MATN1: variants seen among roughly 807,000 people sequenced by gnomAD.
MATN1 encodes matrilin 1.
MATN1 carries 34 observed loss-of-function variants against 41.3 expected under a neutral mutation model. That is an observed-to-expected ratio of 0.82 (90% CI 0.63 to 1.10). MATN1 has a LOEUF of 1.10. MATN1 is among the 50% of genes least tolerant of loss of function. The pLI, the probability that MATN1 is intolerant of heterozygous loss-of-function variation, is 0.00. For synonymous variants in MATN1, 264 were observed against 278.7 expected, an observed-to-expected ratio of 0.95 and a Z score of 0.53; for missense variants, 602 against 662.4, an observed-to-expected ratio of 0.91 and a Z score of 1.00.
Position 30,715,989 on chromosome 1 carries a change from G to A in MATN1, c.1127C>T (p.Ala376Val). ...FTVSSGARPG[A>V]QKVGIVFTDG... The stretch of plus-strand genomic sequence containing the variant: ...AGTGAAGACAATGCCCACCTTCTGG[G>A]CCCCGGGCCTAGCCCCACTGGACAC... The change falls in exon 5 of 8, where the codon GCC becomes GTC. Residue 376 changes from alanine (A) to valine (V), a missense_variant. Coordinates refer to ENST00000373765, the MANE Select transcript of MATN1 (RefSeq NM_002379.3). 1.2e-6 allele frequency: 2 copies of A among 1,614,200 alleles called. No homozygotes were observed. Among genetic ancestry groups the A allele is most frequent in the Non-Finnish European group, 8.5e-7 (1 of 1,180,032 alleles).
chr1:30,721,520 C>T lies in MATN1; in HGVS notation c.326G>A (p.Arg109His), dbSNP rs200904252. 1.1e-5 allele frequency: 18 copies of T among 1,613,116 alleles called. No homozygotes were observed. Among genetic ancestry groups the T allele is most frequent in the African/African-American group, 1.1e-4 (8 of 74,928 alleles). ...VSKAALLQAV[R>H]RIQPLSTGTM... ...GCCTGTGGACAGCGGCTGGATACGG[C>T]GCACAGCCTGCAGCAGTGCGGCCTT... is the stretch of plus-strand genomic sequence containing the variant. Residue 109 changes from arginine to histidine, a missense_variant, in exon 2 of 8, where the codon CGC (arginine) becomes CAC (histidine). Arg to His is a conservative substitution (Grantham distance 29). Transcript: ENST00000373765.
chr1:30,718,739 G>C lies in MATN1; in HGVS notation c.660C>G (p.Phe220Leu), dbSNP rs766544690. Residue 220 changes from phenylalanine (F) to leucine (L), a missense_variant, in exon 3 of 8, where the codon TTC becomes TTG. Coordinates refer to ENST00000373765, the MANE Select transcript of MATN1 (RefSeq NM_002379.3). Reference sequence around the variant, plus strand: ...CGCCCCCGCCTGCCCGCGCACCGCAGAAGGCCTCCTGGAACTTCCTGGACA... The same window carrying C: ...CGCCCCCGCCTGCCCGCGCACCGCACAAGGCCTCCTGGAACTTCCTGGACA... ...EKLSRKFQEA[F>L]CVVSDLCATG... is the part of the protein sequence containing the mutation. 1 of 1,581,762 alleles carries C rather than the reference G, an allele frequency of 6.3e-7. No individual in the cohort carries two copies. Among genetic ancestry groups the C allele is most frequent in the East Asian group, 2.3e-5 (1 of 42,998 alleles).
At chr1:30,714,857 G>T (rs1181110024) in intron 6 of MATN1, among the ~76,000 whole-genome samples, 1 of 152,190 alleles carries the variant, frequency 6.6e-6, no homozygotes, top group Non-Finnish European at 1.5e-5. Flanking sequence ...ATTAACAGTT[G>T]TTCCACCCCT....
In MATN1 at chr1:30,721,746, G is replaced by T; in HGVS notation, c.100C>A (p.Leu34Ile). Residue 34 changes from leucine (L) to isoleucine (I), a missense_variant, in exon 2 of 8, where the codon CTC (leucine) becomes ATC (isoleucine). Leu to Ile is a conservative substitution (Grantham distance 5, BLOSUM62 2). Transcript: ENST00000373765. ...AGGTCTGTGGGCCGCGTCCGGCAGA[G>T]ATGGCCTGGGAGTGGGGCAGGAGGG... ...PGLAPQSRGHLCRTRPTDLVF... is the reference protein window; with the variant it reads ...PGLAPQSRGHICRTRPTDLVF... The T allele has an allele frequency of 6.2e-7, 1 of 1,607,350 alleles. No individual in the cohort carries two copies. Among genetic ancestry groups the T allele is most frequent in the Non-Finnish European group, 8.5e-7 (1 of 1,178,466 alleles).
At position 30,717,642 on chromosome 1, in the gene MATN1, G is replaced by GTTTTTTTT. The variant is rs751915676; in HGVS notation, c.665-735_665-728dup. On this transcript the variant is annotated intron_variant, in intron 3 of 7. Transcript: ENST00000373765. ...GGCTCTGTTGTTTTTTGTGTGTGCG[G>GTTTTTTTT]TTTTTTTTTTTGTTTTGTTTTTTTT... Among the ~76,000 whole-genome samples, 11 of 109,990 alleles carry GTTTTTTTT rather than the reference G, an allele frequency of 1.0e-4. 3 individuals are homozygous for GTTTTTTTT. Among genetic ancestry groups the GTTTTTTTT allele is most frequent in the African/African-American group, 2.6e-4 (6 of 23,010 alleles). 72.2% of individuals were successfully genotyped at this position (109,990 alleles called of 152,430 possible).
chr1:30,714,159 C>T, intron 7 of MATN1, 88 bp downstream of exon 7: 1 of 1,119,636 alleles, frequency 8.9e-7, no homozygotes. Context: ...GAAGCCTGCC[C>T]AACTGACCAC....
chr1:30,716,470 G>A, intron 4 of MATN1, 145 bp from the exon 5 acceptor site: 1 of 844,316 alleles, frequency 1.2e-6, no homozygotes, highest in South Asian at 1.7e-5. Flanking sequence ...AAGCCAAGGT[G>A]ACTGGTCCCA....
chr1:30,723,467 G>C lies in MATN1; in HGVS notation c.85C>G (p.Gln29Glu), dbSNP rs1301021603. Residue 29 changes from glutamine (Q) to glutamate (E), a missense_variant, in exon 1 of 8, where the codon CAG becomes GAG. Physicochemically the swap from Gln to Glu is conservative, Grantham distance 29. Transcript: ENST00000373765. ...ACGCAAGCCCCCTCACCTCTGGACT[G>C]GGGGGCGAGGCCAGGGCTGCACAGG... is the stretch of plus-strand genomic sequence containing the variant. ...QALCSPGLAP[Q>E]SRGHLCRTRP... 2 of 1,521,690 alleles carry C rather than the reference G, an allele frequency of 1.3e-6. No individual in the cohort carries two copies. The highest frequency in any genetic ancestry group is 1.3e-5 in the South Asian group (1 of 79,616). 94.3% of individuals were successfully genotyped at this position (1,521,690 alleles called of 1,614,324 possible).
intron 2 of MATN1, chr1:30,719,490 C>CGGAGGGCCACTCCCATGT (rs1639671420): frequency 6.5e-6 from 1 of 153,934 alleles, no homozygotes; most frequent in African/African-American, 2.4e-5. Flanking sequence ...AGGGAACCGA[C>CGGAGGGCCACTCCCATGT]GGAGGGCCAC....
intron 1 of MATN1, among the ~76,000 whole-genome samples, 200 bp downstream of exon 1, chr1:30,723,258 G>A (rs1639718263): frequency 6.6e-6 from 1 of 152,138 alleles, no homozygotes; most frequent in Non-Finnish European, 1.5e-5. Context: ...CCTGAGGGCT[G>A]AGGAGCACCC....
At position 30,711,427 on chromosome 1, in the gene MATN1, G is replaced by A. The variant is rs1414142607; in HGVS notation, c.*2155C>T. 2 of 152,192 alleles carry A rather than the reference G, an allele frequency of 1.3e-5. No homozygotes were observed. Among genetic ancestry groups the A allele is most frequent in the African/African-American group, 4.8e-5 (2 of 41,408 alleles). 9.4% of individuals were successfully genotyped at this position (152,192 alleles called of 1,614,324 possible). Reference sequence around the variant, plus strand: ...TGTTAATCAAACCTAGAGCAGAGAGGGATGTGGGAAGTCCATGGAGAGGAC... The same window carrying A: ...TGTTAATCAAACCTAGAGCAGAGAGAGATGTGGGAAGTCCATGGAGAGGAC... On this transcript the variant is annotated 3_prime_UTR_variant, in exon 8 of 8. Coordinates refer to ENST00000373765, the MANE Select transcript of MATN1 (RefSeq NM_002379.3).
rs1489567933 is a variant in MATN1 at position 30,712,223 on chromosome 1, G to C, written c.*1359C>G. 2 of 152,228 alleles carry C rather than the reference G, an allele frequency of 1.3e-5. No individual in the cohort carries two copies. The highest frequency in any genetic ancestry group is 2.9e-5 in the Non-Finnish European group (2 of 68,066). The allele number at this position is 152,228 out of a possible 1,614,324, so 9.4% of individuals were successfully genotyped here. A position where few individuals can be genotyped will look rare whatever the true frequency, so the allele number is the denominator to read the frequency against. On this transcript the variant is annotated 3_prime_UTR_variant, in exon 8 of 8. Coordinates refer to ENST00000373765, the MANE Select transcript of MATN1 (RefSeq NM_002379.3). ...ATCACCAAAGCTCCCCCTCTGAGAGGACAGAGATGGAGATTCCGGAGCAGC... is the reference window on the plus strand; with the variant it reads ...ATCACCAAAGCTCCCCCTCTGAGAGCACAGAGATGGAGATTCCGGAGCAGC...
Position 30,711,301 on chromosome 1 carries a change from C to T in MATN1, c.*2281G>A, listed in dbSNP as rs868061040. 1 of 152,072 alleles carries T rather than the reference C, an allele frequency of 6.6e-6. No individual in the cohort carries two copies. The highest frequency in any genetic ancestry group is 1.5e-5 in the Non-Finnish European group (1 of 68,006). 9.4% of individuals were successfully genotyped at this position (152,072 alleles called of 1,614,324 possible). On this transcript the variant is annotated 3_prime_UTR_variant, in exon 8 of 8. Transcript: ENST00000373765. ...ATTAGTTTAGTCCTGTTTATTTATA[C>T]AAAATTCAAAAAAACAAAATTACAG...
In MATN1 at chr1:30,721,427, G is replaced by A; in HGVS notation, c.419C>T (p.Ser140Phe). Residue 140 changes from serine to phenylalanine, a missense_variant, in exon 2 of 8, where the codon TCC becomes TTC. By Grantham distance (155) the Ser-to-Phe change is radical. Transcript: ENST00000373765. The stretch of plus-strand genomic sequence containing the variant: ...TACCTTGCTGATGTCAGGGGACCTG[G>A]AACGACCACCCTCTGCATCGCCGAA... ...KAFGDAEGGR[S>F]RSPDISKVVI... is the part of the protein sequence containing the mutation. 1 of 1,610,076 alleles carries A rather than the reference G, an allele frequency of 6.2e-7. No homozygotes were observed. Among genetic ancestry groups the A allele is most frequent in the Non-Finnish European group, 8.5e-7 (1 of 1,177,038 alleles).
At chr1:30,716,749 C>T (rs1351036366) in intron 4 of MATN1, 41 bp downstream of exon 4, 2 of 1,607,008 alleles carry the variant, frequency 1.2e-6, no homozygotes, top group Non-Finnish European at 1.7e-6. Context: ...CACCTCCCCT[C>T]CACACCCTCT....
At position 30,716,342 on chromosome 1, in the gene MATN1, G is replaced by A. The variant is rs1569828653; in HGVS notation, c.791-17C>T. ...CACTGCAGACTGTGGAGGACAGGAA[G>A]GCAACGGGCTGAAGCTGAAGGACAT... On this transcript the variant is annotated splice_polypyrimidine_tract_variant and intron_variant, in intron 4 of 7. Transcript: ENST00000373765. 1 of 1,608,112 alleles carries A rather than the reference G, an allele frequency of 6.2e-7. No homozygotes were observed. Among genetic ancestry groups the A allele is most frequent in the East Asian group, 2.2e-5 (1 of 44,750 alleles).
In MATN1 at chr1:30,716,304, C is replaced by G. The variant is rs1200651702; in HGVS notation, c.812G>C (p.Ser271Thr). Residue 271 changes from serine to threonine, a missense_variant, in exon 5 of 8, where the codon AGC becomes ACC. Physicochemically the swap from Ser to Thr is moderately conservative, Grantham distance 58. Transcript: ENST00000373765. ...GAGGAAGACCAGGTCAGTGGCCGAG[C>G]TGCCACCACCACCACTGCAGACTGT... ...TCNVCSGGGG[S>T]SATDLVFLID... 2 of 1,613,764 alleles carry G rather than the reference C, an allele frequency of 1.2e-6. No homozygotes were observed. The highest frequency in any genetic ancestry group is 1.7e-5 in the Admixed American group (1 of 60,024).
intron 5 of MATN1, among the ~76,000 whole-genome samples, chr1:30,715,609 A>T (rs1246629006): frequency 6.6e-6 from 1 of 152,120 alleles, no homozygotes; most frequent in Admixed American, 6.5e-5. Flanking sequence ...TACAAAACAG[A>T]CTCGGGCTTG....
intron 5 of MATN1, 131 bp downstream of exon 5, chr1:30,715,778 A>G: frequency 2.3e-6 from 2 of 884,668 alleles, no homozygotes; most frequent in Non-Finnish European, 3.4e-6. Flanking sequence ...GGACTAACCA[A>G]TCCTCCTCAT....
Sources: allele counts gnomAD v4.1 joint callset (sites outside exome capture counted in the v4.1 genomes callset), GRCh38; gene constraint gnomAD v4.1.1; transcripts MANE v1.5; gene names NCBI Gene and HGNC (gene_info 2026-07-23, HGNC 2026-07-21).